Variants in NKAIN3 observed in about 807,000 individuals in gnomAD.
NKAIN3 encodes the protein sodium/potassium transporting ATPase interacting 3, also known as sodium/potassium-transporting ATPase subunit beta-1-interacting protein 3.
NKAIN3 carries 25 observed loss-of-function variants against 30.2 expected under a neutral mutation model. That is an observed-to-expected ratio of 0.83 (90% confidence interval 0.60 to 1.16). NKAIN3 has a LOEUF of 1.16. Among genes scored for constraint, NKAIN3 ranks in the 50% most tolerant of loss-of-function variants. The probability of loss-of-function intolerance (pLI) is 0.00; values close to 1 mark genes in which losing one functional copy is unlikely to be tolerated. For synonymous variants in NKAIN3, 91 were observed against 89.6 expected, an observed-to-expected ratio of 1.02 and a Z score of -0.09; for missense variants, 225 against 254.1, an observed-to-expected ratio of 0.89 and a Z score of 0.78.
chr8:62,690,536 A>G (rs1813933615), intron 3 of NKAIN3, among the ~76,000 whole-genome samples: 1 of 152,332 alleles, frequency 6.6e-6, no homozygotes, highest in East Asian at 1.9e-4. Context: ...GAAAGCATGG[A>G]GTATTCAGCA....
At chr8:62,528,065 A>C (rs1808364581) in intron 1 of NKAIN3, among the ~76,000 whole-genome samples, 1 of 151,382 alleles carries the variant, frequency 6.6e-6, no homozygotes, top group Admixed American at 6.6e-5. Flanking sequence ...AATGCTAAAG[A>C]GAAGATAAAC....
At chr8:62,445,258 T>G (rs960970069) in intron 1 of NKAIN3, among the ~76,000 whole-genome samples, 1 of 152,048 alleles carries the variant, frequency 6.6e-6, no homozygotes, top group African/African-American at 2.4e-5. Context: ...CTTGCATTTT[T>G]CTGATGGTGA....
intron 1 of NKAIN3, among the ~76,000 whole-genome samples, chr8:62,401,657 C>G (rs1170357572): frequency 1.3e-5 from 2 of 152,114 alleles, no homozygotes; most frequent in South Asian, 2.1e-4. Flanking sequence ...AACCCCACGC[C>G]CAGTAACTCG....
At chr8:62,837,238 T>G (rs1422492967) in intron 4 of NKAIN3, among the ~76,000 whole-genome samples, 1 of 152,208 alleles carries the variant, frequency 6.6e-6, no homozygotes, top group Non-Finnish European at 1.5e-5. Flanking sequence ...TGATTCTATG[T>G]ATCTTCATAG....
At chr8:62,338,175 G>A (rs1034491885) in intron 1 of NKAIN3, among the ~76,000 whole-genome samples, 9 of 151,690 alleles carry the variant, frequency 5.9e-5, no homozygotes, top group Non-Finnish European at 1.2e-4. Context: ...ATACCATTAG[G>A]TCCTTGTAGA....
chr8:62,539,908 G>A (rs962671996), intron 1 of NKAIN3, among the ~76,000 whole-genome samples: 3 of 152,162 alleles, frequency 2.0e-5, no homozygotes, highest in Non-Finnish European at 2.9e-5. Flanking sequence ...GCATTCTAAA[G>A]TGTGTCAGTC....
intron 1 of NKAIN3, among the ~76,000 whole-genome samples, chr8:62,427,561 C>T (rs1239632793): frequency 6.6e-6 from 1 of 151,976 alleles, no homozygotes; most frequent in African/African-American, 2.4e-5. Flanking sequence ...CACTAACAGA[C>T]ATGATTTATT....
intron 4 of NKAIN3, chr8:62,856,581 T>C (rs570316059): frequency 1.3e-5 from 10 of 784,820 alleles, no homozygotes; most frequent in African/African-American, 3.4e-5. Flanking sequence ...GTTGTCTTCA[T>C]TGGTGAACAG....
chr8:62,320,851 C>G (rs1201472912), intron 1 of NKAIN3, among the ~76,000 whole-genome samples: 1 of 152,150 alleles, frequency 6.6e-6, no homozygotes, highest in Non-Finnish European at 1.5e-5. Flanking sequence ...GTGGCATTCT[C>G]TGTGTTTCCT....
intron 1 of NKAIN3, among the ~76,000 whole-genome samples, chr8:62,374,752 C>G (rs1478176629): frequency 2.6e-5 from 4 of 152,170 alleles, no homozygotes; most frequent in Non-Finnish European, 5.9e-5. Flanking sequence ...GAAATTCAAA[C>G]AAATGTGTGT....
intron 1 of NKAIN3, among the ~76,000 whole-genome samples, chr8:62,577,743 A>G (rs983319335): frequency 6.6e-6 from 1 of 151,532 alleles, no homozygotes; most frequent in African/African-American, 2.4e-5. Context: ...TCTTGCTCTG[A>G]TATTTTGCGT....
intron 4 of NKAIN3, among the ~76,000 whole-genome samples, chr8:62,890,583 C>A (rs1821270628): frequency 6.6e-6 from 1 of 152,198 alleles, no homozygotes; most frequent in Non-Finnish European, 1.5e-5. Context: ...GAAAGAGCAT[C>A]CAGGTATGAA....
In NKAIN3 at chr8:62,855,923, T is replaced by C. The variant is rs1820047209; in HGVS notation, c.472-62530T>C. On this transcript the variant is annotated intron_variant, in intron 4 of 6. Coordinates refer to ENST00000623646, the MANE Select transcript of NKAIN3 (RefSeq NM_001304533.3). ...TCCTGCGGGGTGTGTATCTGCGTGA[T>C]GCTACAACCTCCTTGTCCAGACACT... is the stretch of plus-strand genomic sequence containing the variant. 1.1e-5 allele frequency: 8 copies of C among 752,724 alleles called. 1 individual carries two copies. The highest frequency in any genetic ancestry group is 5.6e-5 in the South Asian group (4 of 71,844). 46.6% of individuals were successfully genotyped at this position (752,724 alleles called of 1,614,324 possible). A position where few individuals can be genotyped will look rare whatever the true frequency, so the allele number is the denominator to read the frequency against.
chr8:62,412,405 C>G (rs999992162), intron 1 of NKAIN3, among the ~76,000 whole-genome samples: 3 of 151,822 alleles, frequency 2.0e-5, no homozygotes, highest in East Asian at 1.9e-4. Flanking sequence ...GAAGCTGGAC[C>G]CCTACCTTTC....
chr8:62,500,356 C>G (rs2129671699), intron 1 of NKAIN3, among the ~76,000 whole-genome samples: 1 of 149,224 alleles, frequency 6.7e-6, no homozygotes, highest in South Asian at 2.1e-4. Flanking sequence ...GAAAAACACT[C>G]AATGGGTTTA....
chr8:62,945,151 C>A (rs572739874), intron 5 of NKAIN3, among the ~76,000 whole-genome samples: 1 of 151,870 alleles, frequency 6.6e-6, no homozygotes, highest in African/African-American at 2.4e-5. Flanking sequence ...AGTCTGATAA[C>A]AAATGAATTT....
At position 62,890,180 on chromosome 8, in the gene NKAIN3, G is replaced by A. The variant is rs111653623; in HGVS notation, c.472-28273G>A. On this transcript the variant is annotated intron_variant, in intron 4 of 6. Coordinates refer to ENST00000623646, the MANE Select transcript of NKAIN3 (RefSeq NM_001304533.3). Reference sequence around the variant, plus strand: ...TAAAATGTTCTGATAAGCTCCCTTGGAAGGATAGTAAGCCAACATTTACTA... The same window carrying A: ...TAAAATGTTCTGATAAGCTCCCTTGAAAGGATAGTAAGCCAACATTTACTA... 4.5e-3 allele frequency among the ~76,000 whole-genome samples: 678 copies of A among 152,288 alleles called. 8 individuals are homozygous for A. The highest frequency in any genetic ancestry group is 0.014 in the African/African-American group (567 of 41,562).
At chr8:62,755,946 G>T (rs963847604) in intron 4 of NKAIN3, among the ~76,000 whole-genome samples, 1 of 152,126 alleles carries the variant, frequency 6.6e-6, no homozygotes, top group Non-Finnish European at 1.5e-5. Context: ...AGAAGCCAGG[G>T]TACACCTGGT....
At chr8:62,498,889 T>C (rs1241952015) in intron 1 of NKAIN3, among the ~76,000 whole-genome samples, 1 of 152,108 alleles carries the variant, frequency 6.6e-6, no homozygotes, top group African/African-American at 2.4e-5. Flanking sequence ...ATCTTTGCCA[T>C]ACAATATTCC....
Sources: gnomAD v4.1 joint callset for allele counts (sites outside exome capture counted in the v4.1 genomes callset) on GRCh38, gnomAD v4.1.1 for gene constraint, MANE v1.5 for transcripts, NCBI Gene and HGNC (gene_info 2026-07-23, HGNC 2026-07-21) for gene names.